Variants in FBXO25 observed in about 807,000 individuals in gnomAD.
FBXO25 encodes the protein F-box protein 25.
A neutral mutation model predicts 51.9 loss-of-function variants in FBXO25; 45 were observed. The ratio of observed to expected loss-of-function variants is 0.87; its 90% CI spans 0.68 to 1.11. The LOEUF is 1.11. FBXO25 is among the 50% of genes most tolerant of loss of function. The pLI is 0.00. For missense variants in FBXO25, 507 were observed against 428.5 expected (o/e 1.18, Z -1.62); for synonymous variants, 199 against 151.0 (o/e 1.32, Z -2.33).
At chr8:408,049 CTTTACGTG>C (rs1341832435) in intron 1 of FBXO25, among the ~76,000 whole-genome samples, 3 of 152,208 alleles carry the variant, frequency 2.0e-5, no homozygotes, top group African/African-American at 7.2e-5. Flanking sequence ...TTCTCCTCGT[CTTTACGTG>C]TTTACCTTTC....
intron 5 of FBXO25, among the ~76,000 whole-genome samples, chr8:437,719 GCTTT>G (rs1257727541): frequency 6.6e-6 from 1 of 151,046 alleles, no homozygotes; most frequent in African/African-American, 2.4e-5. Context: ...TCTTCTGTTG[GCTTT>G]CTTTCAGTGT....
intron 2 of FBXO25, among the ~76,000 whole-genome samples, chr8:420,046 T>A (rs2121887): frequency 0.36 from 54,193 of 151,850 alleles, 10,647 homozygotes; most frequent in African/African-American, 0.54. Context: ...GATGCCCAAC[T>A]TAATTTATTG....
Position 473,188 on chromosome 8 carries a change from T to G in FBXO25, c.*4384T>G, listed in dbSNP as rs1484637183. ...CATAGAGGAGGCAGACCCTCAACTT[T>G]GGAAAGCAGTGTCCCCCCGCGTCCC... On this transcript the variant is annotated 3_prime_UTR_variant, in exon 10 of 10. Coordinates refer to ENST00000350302, the MANE Select transcript of FBXO25 (RefSeq NM_183420.2). The G allele has an allele frequency of 6.6e-6, 1 of 152,296 alleles. No homozygotes were observed. The highest frequency in any genetic ancestry group is 1.5e-5 in the Non-Finnish European group (1 of 68,110). 9.4% of individuals were successfully genotyped at this position (152,296 alleles called of 1,614,324 possible).
chr8:417,433 C>T (rs910412206), intron 2 of FBXO25, among the ~76,000 whole-genome samples: 4 of 152,182 alleles, frequency 2.6e-5, no homozygotes, highest in African/African-American at 7.2e-5. Flanking sequence ...GGGCTCAAAT[C>T]CTGGATGTAT....
chr8:426,048 A>C (rs1797455797), intron 2 of FBXO25, among the ~76,000 whole-genome samples: 1 of 152,086 alleles, frequency 6.6e-6, no homozygotes, highest in South Asian at 2.1e-4. Flanking sequence ...CTACCAGAAC[A>C]CTGGTGGTTG....
intron 5 of FBXO25, among the ~76,000 whole-genome samples, chr8:445,212 CT>C (rs1798665258): frequency 6.6e-6 from 1 of 152,200 alleles, no homozygotes. Context: ...GGTAACTAGT[CT>C]AAACTGACCG....
intron 2 of FBXO25, among the ~76,000 whole-genome samples, chr8:418,905 G>A (rs1350963117): frequency 1.3e-5 from 2 of 152,020 alleles, no homozygotes; most frequent in African/African-American, 2.4e-5. Flanking sequence ...ATGGATTTTA[G>A]AATGAACTGT....
chr8:408,414 G>A (rs1401106461), intron 1 of FBXO25, among the ~76,000 whole-genome samples: 1 of 152,122 alleles, frequency 6.6e-6, no homozygotes, highest in Non-Finnish European at 1.5e-5. Flanking sequence ...ATAGTGGTTA[G>A]GAGCATGGAT....
rs180804024 is a variant in FBXO25 at position 442,722 on chromosome 8, G to A, written c.381+7015G>A. ...TGACCTCAGGTGATCTGGCTGCCTC[G>A]GCCTCCCAAAGTGCTAGGATTTCAG... On this transcript the variant is annotated intron_variant, in intron 5 of 9. Transcript: ENST00000350302. Among the ~76,000 whole-genome samples, 177 of 152,058 alleles carry A rather than the reference G, an allele frequency of 1.2e-3. 1 individual carries two copies. The highest frequency in any genetic ancestry group is 3.1e-3 in the Admixed American group (47 of 15,264).
intron 2 of FBXO25, 36 bp from the exon 3 acceptor site, chr8:431,305 G>GA (rs779042893): frequency 1.4e-5 from 16 of 1,178,090 alleles, no homozygotes; most frequent in East Asian, 2.5e-5. Context: ...AGATCTCCCT[G>GA]AAAAAATATT....
chr8:464,981 C>A, intron 9 of FBXO25, among the ~76,000 whole-genome samples: 1 of 152,162 alleles, frequency 6.6e-6, no homozygotes. Context: ...GTGAAGTCAG[C>A]AAATCAGTTC....
chr8:445,310 C>T (rs148107123), intron 5 of FBXO25, among the ~76,000 whole-genome samples: 8,625 of 152,136 alleles, frequency 0.057, 265 homozygotes, highest in Middle Eastern at 0.082. Context: ...ATGTAGAAAA[C>T]TTATTTCGAT....
At chr8:410,030 G>T (rs562764492) in intron 1 of FBXO25, among the ~76,000 whole-genome samples, 2 of 152,178 alleles carry the variant, frequency 1.3e-5, no homozygotes, top group African/African-American at 4.8e-5. Flanking sequence ...TCCCATGATT[G>T]ATATTTTTTG....
At chr8:432,538 T>C (rs1235911436) in intron 3 of FBXO25, among the ~76,000 whole-genome samples, 1 of 152,190 alleles carries the variant, frequency 6.6e-6, no homozygotes, top group Non-Finnish European at 1.5e-5. Context: ...TTCTATGGAG[T>C]ACCATACACA....
At chr8:421,096 G>T (rs1353161223) in intron 2 of FBXO25, among the ~76,000 whole-genome samples, 1 of 152,236 alleles carries the variant, frequency 6.6e-6, no homozygotes, top group Admixed American at 6.5e-5. Flanking sequence ...GGGCAGGCAG[G>T]CATTACTGCC....
intron 1 of FBXO25, chr8:407,357 G>T: frequency 1.0e-6 from 1 of 979,566 alleles, no homozygotes; most frequent in Non-Finnish European, 1.2e-6. Context: ...GTGCGCGTCT[G>T]CTGAAGTCTG....
intron 9 of FBXO25, among the ~76,000 whole-genome samples, chr8:467,222 G>A (rs1019100511): frequency 6.6e-6 from 1 of 152,218 alleles, no homozygotes; most frequent in African/African-American, 2.4e-5. Flanking sequence ...CACTGGCCTG[G>A]AGGAACAAGT....
At chr8:425,516 C>T (rs1354175038) in intron 2 of FBXO25, among the ~76,000 whole-genome samples, 1 of 151,448 alleles carries the variant, frequency 6.6e-6, no homozygotes, top group Non-Finnish European at 1.5e-5. Context: ...TTAATAATAT[C>T]TGCTTTTATT....
chr8:474,817 T>G lies in FBXO25; in HGVS notation c.*6013T>G. ...TTGCCTTTCACTCTGTTTTGTTCTT[T>G]GATGTACAGAAGTTGTTTCTTTCTT... On this transcript the variant is annotated 3_prime_UTR_variant, in exon 10 of 10. Coordinates refer to ENST00000350302, the MANE Select transcript of FBXO25 (RefSeq NM_183420.2). 1 of 415,974 alleles carries G rather than the reference T, an allele frequency of 2.4e-6. No homozygotes were observed. The highest frequency in any genetic ancestry group is 4.7e-6 in the Non-Finnish European group (1 of 214,462). 25.8% of individuals were successfully genotyped at this position (415,974 alleles called of 1,614,324 possible).
Sources: allele counts gnomAD v4.1 joint callset (sites outside exome capture counted in the v4.1 genomes callset), GRCh38; gene constraint gnomAD v4.1.1; transcripts MANE v1.5; gene names NCBI Gene and HGNC (gene_info 2026-07-23, HGNC 2026-07-21).